The following AUTS2 variants were observed in gnomAD, a reference collection of about 807,000 sequenced individuals.
AUTS2 encodes activator of transcription and developmental regulator AUTS2.
AUTS2 carries 17 observed loss-of-function variants against 112.4 expected under a neutral mutation model. The ratio of observed to expected loss-of-function variants is 0.15; its 90% CI spans 0.10 to 0.23. The LOEUF (loss-of-function observed/expected upper bound fraction) is 0.23, where lower values mean the gene tolerates loss of function less well. Ranked by LOEUF, AUTS2 falls within the 10% of genes least tolerant of loss-of-function variation. AUTS2 has a pLI of 1.00. For missense variants in AUTS2, 1,510 were observed against 1,701.6 expected (o/e 0.89, Z 1.98); for synonymous variants, 751 against 702.7 (o/e 1.07, Z -1.09).
chr7:70,257,384 C>G (rs1786933257), intron 4 of AUTS2, among the ~76,000 whole-genome samples: 1 of 152,206 alleles, frequency 6.6e-6, no homozygotes, highest in African/African-American at 2.4e-5. Flanking sequence ...GTGGCACAAT[C>G]TCGGCTCACT....
chr7:70,562,504 G>T (rs1801532153), intron 5 of AUTS2, among the ~76,000 whole-genome samples: 1 of 152,172 alleles, frequency 6.6e-6, no homozygotes, highest in Non-Finnish European at 1.5e-5. Context: ...TAAAGTATTT[G>T]GAAGTGATCT....
At chr7:70,365,165 T>A (rs1288105391) in intron 4 of AUTS2, among the ~76,000 whole-genome samples, 3 of 152,226 alleles carry the variant, frequency 2.0e-5, no homozygotes, top group Non-Finnish European at 2.9e-5. Flanking sequence ...TGGTTCAGAT[T>A]TTCTCCCCTA....
At position 70,249,106 on chromosome 7, in the gene AUTS2, T is replaced by C. The variant is rs868343745; in HGVS notation, c.660+114535T>C. Among the ~76,000 whole-genome samples the C allele has an allele frequency of 1.3e-5, 2 of 152,348 alleles. 1 individual carries two copies. The highest frequency in any genetic ancestry group is 6.8e-3 in the Middle Eastern group (2 of 294). On this transcript the variant is annotated intron_variant, in intron 4 of 18. Coordinates refer to ENST00000342771, the MANE Select transcript of AUTS2 (RefSeq NM_015570.4). ...CTAGTGTCTTCAAGATTCTACACTG[T>C]TACTATTGAAATATAAGGTGTTATT...
intron 5 of AUTS2, 54 bp downstream of exon 5, chr7:70,435,835 G>T: frequency 1.3e-6 from 2 of 1,580,678 alleles, no homozygotes; most frequent in Non-Finnish European, 1.7e-6. Flanking sequence ...CTGAACACCA[G>T]AGTCCTCCCA....
At chr7:69,901,118 T>C (rs1453531587) in intron 2 of AUTS2, among the ~76,000 whole-genome samples, 1 of 152,174 alleles carries the variant, frequency 6.6e-6, no homozygotes, top group Non-Finnish European at 1.5e-5. Context: ...GTTTTATTTA[T>C]TTTTTTCTTG....
intron 5 of AUTS2, among the ~76,000 whole-genome samples, chr7:70,668,886 G>A (rs1009920345): frequency 6.6e-6 from 1 of 152,208 alleles, no homozygotes; most frequent in Non-Finnish European, 1.5e-5. Context: ...GCTTCCCTGG[G>A]GAGGGTGGTG....
intron 4 of AUTS2, among the ~76,000 whole-genome samples, chr7:70,218,372 G>C (rs1019848136): frequency 1.3e-5 from 2 of 152,168 alleles, no homozygotes; most frequent in Non-Finnish European, 2.9e-5. Flanking sequence ...GAAAGATTTA[G>C]AGTCCAGTGC....
intron 1 of AUTS2, among the ~76,000 whole-genome samples, chr7:69,748,065 G>A (rs555472913): frequency 6.6e-6 from 1 of 152,062 alleles, no homozygotes; most frequent in East Asian, 1.9e-4. Context: ...TTATTAGAAT[G>A]GATTCTTCCT....
intron 5 of AUTS2, among the ~76,000 whole-genome samples, chr7:70,470,589 G>T (rs183072941): frequency 3.4e-4 from 52 of 152,298 alleles, no homozygotes; most frequent in South Asian, 2.3e-3. Context: ...ATCCCTGGAC[G>T]TGTATGTAAA....
At chr7:70,505,649 G>A (rs2116694616) in intron 5 of AUTS2, among the ~76,000 whole-genome samples, 1 of 152,266 alleles carries the variant, frequency 6.6e-6, no homozygotes, top group South Asian at 2.1e-4. Context: ...ATTGCACGTG[G>A]CTCCTGTGAA....
At chr7:69,927,074 C>T (rs1265065430) in intron 2 of AUTS2, among the ~76,000 whole-genome samples, 6 of 147,318 alleles carry the variant, frequency 4.1e-5, no homozygotes, top group Admixed American at 6.8e-5. Context: ...ATACTTTATT[C>T]GTCCACAAGG....
intron 6 of AUTS2, among the ~76,000 whole-genome samples, chr7:70,709,335 C>T (rs1013881900): frequency 6.6e-6 from 1 of 152,194 alleles, no homozygotes; most frequent in African/African-American, 2.4e-5. Context: ...ATTTGACTTG[C>T]TTTTCTCATG....
At chr7:70,591,415 T>TG (rs1802940410) in intron 5 of AUTS2, among the ~76,000 whole-genome samples, 1 of 152,006 alleles carries the variant, frequency 6.6e-6, no homozygotes, top group Non-Finnish European at 1.5e-5. Flanking sequence ...TTTGTTTGTT[T>TG]TGAGACAGGG....
intron 1 of AUTS2, among the ~76,000 whole-genome samples, chr7:69,674,042 G>A (rs1336162166): frequency 6.6e-6 from 1 of 152,178 alleles, no homozygotes; most frequent in Non-Finnish European, 1.5e-5. Context: ...AACAGCACCA[G>A]GAAGTCTTGC....
intron 2 of AUTS2, among the ~76,000 whole-genome samples, chr7:70,023,788 G>T (rs1028811423): frequency 6.6e-6 from 1 of 152,128 alleles, no homozygotes; most frequent in African/African-American, 2.4e-5. Context: ...TGTCCATTCT[G>T]CTGCAAATCC....
chr7:69,718,466 A>G (rs951429000), intron 1 of AUTS2, among the ~76,000 whole-genome samples: 2 of 152,148 alleles, frequency 1.3e-5, no homozygotes, highest in African/African-American at 2.4e-5. Flanking sequence ...TCCTAGGTGT[A>G]TGGCTCTTCC....
chr7:70,436,693 G>C (rs1471162933), intron 5 of AUTS2: 1 of 152,186 alleles, frequency 6.6e-6, no homozygotes, highest in African/African-American at 2.4e-5. Flanking sequence ...CCTCCTACAT[G>C]CTTGCGGATT....
intron 4 of AUTS2, among the ~76,000 whole-genome samples, chr7:70,300,083 A>G (rs921755705): frequency 6.6e-6 from 1 of 152,170 alleles, no homozygotes; most frequent in African/African-American, 2.4e-5. Flanking sequence ...ATATGTGTAT[A>G]TCAAGTGTCT....
chr7:70,326,915 T>TTA (rs1790512374), intron 4 of AUTS2, among the ~76,000 whole-genome samples: 1 of 56,688 alleles, frequency 1.8e-5, no homozygotes, highest in South Asian at 9.9e-4. Flanking sequence ...GTATGCTTGG[T>TTA]TCTTTTTTTT....
Sources: allele counts gnomAD v4.1 joint callset (sites outside exome capture counted in the v4.1 genomes callset), GRCh38; gene constraint gnomAD v4.1.1; transcripts MANE v1.5; gene names NCBI Gene and HGNC (gene_info 2026-07-23, HGNC 2026-07-21).